TRIOBP: variants seen among roughly 807,000 people sequenced by gnomAD.
TRIOBP encodes the protein TRIO and F-actin-binding protein.
A neutral mutation model predicts 238.8 loss-of-function variants in TRIOBP; 169 were observed. The observed-to-expected ratio is 0.71, with a 90% confidence interval of 0.62 to 0.80. The LOEUF (loss-of-function observed/expected upper bound fraction) is 0.80. Among genes scored for constraint, TRIOBP ranks in the 30% least tolerant of loss-of-function variants. The pLI is 0.00. For synonymous variants in TRIOBP, 1,150 were observed against 1,274.4 expected (o/e 0.90, Z 2.08); for missense variants, 2,838 against 3,122.6 (o/e 0.91, Z 2.17).
At position 37,699,238 on chromosome 22, in the gene TRIOBP, T is replaced by C. The variant is rs552218728; in HGVS notation, c.-61+1542T>C. ...AAACTTGCTGTGTGACTTTAGGCTG[T>C]TCACGTTTGTCAAAGACGTCGTCCT... On this transcript the variant is annotated intron_variant, in intron 2 of 23. Transcript: ENST00000644935. Among the ~76,000 whole-genome samples the C allele has an allele frequency of 2.3e-3, 350 of 152,298 alleles. 1 individual carries two copies. The highest frequency in any genetic ancestry group is 7.6e-3 in the African/African-American group (318 of 41,572).
At chr22:37,753,263 T>C (rs1925719025) in intron 12 of TRIOBP, among the ~76,000 whole-genome samples, 1 of 152,070 alleles carries the variant, frequency 6.6e-6, no homozygotes, top group African/African-American at 2.4e-5. Context: ...ACTTCTTTTT[T>C]TGTTTTTTAT....
chr22:37,720,913 A>AG (rs1923789601), intron 6 of TRIOBP, among the ~76,000 whole-genome samples: 1 of 152,020 alleles, frequency 6.6e-6, no homozygotes, highest in African/African-American at 2.4e-5. Context: ...GCTGGAGTGC[A>AG]GTGGCCAGAT....
At chr22:37,760,547 A>G (rs371761304) in intron 17 of TRIOBP, among the ~76,000 whole-genome samples, 9 of 152,352 alleles carry the variant, frequency 5.9e-5, no homozygotes, top group Admixed American at 3.9e-4. Flanking sequence ...TTGAGTATCT[A>G]TTGCCTTGTC....
chr22:37,746,588 G>A (rs1456525508), intron 11 of TRIOBP, among the ~76,000 whole-genome samples: 1 of 152,202 alleles, frequency 6.6e-6, no homozygotes, highest in East Asian at 1.9e-4. Context: ...GGCCAGACCG[G>A]CCTCACCCTT....
chr22:37,716,684 T>G (rs1386837700), intron 6 of TRIOBP, among the ~76,000 whole-genome samples: 1 of 152,236 alleles, frequency 6.6e-6, no homozygotes, highest in Non-Finnish European at 1.5e-5. Flanking sequence ...AGTGAGCCAC[T>G]ATGCCTGGCC....
chr22:37,731,720 G>A (rs1227445075), intron 7 of TRIOBP, among the ~76,000 whole-genome samples: 1 of 152,136 alleles, frequency 6.6e-6, no homozygotes, highest in Non-Finnish European at 1.5e-5. Flanking sequence ...GCCTCCCAAA[G>A]TGCTGTGATT....
In TRIOBP at chr22:37,773,985, T is replaced by TACCCAC. The variant is rs1926919158; in HGVS notation, c.*207_*208insCCACAC. 6.7e-6 allele frequency: 1 copy of TACCCAC among 149,212 alleles called. No homozygotes were observed. The allele number at this position is 149,212 out of a possible 1,614,324, so 9.2% of individuals were successfully genotyped here. ...ACACGTGCACACATGTACACACGGA[T>TACCCAC]ACACACACACACACACACACTGCAT... On this transcript the variant is annotated 3_prime_UTR_variant, in exon 24 of 24. Coordinates refer to ENST00000644935, the MANE Select transcript of TRIOBP (RefSeq NM_001039141.3).
chr22:37,753,278 GT>G (rs113572966), intron 12 of TRIOBP, among the ~76,000 whole-genome samples: 143 of 147,290 alleles, frequency 9.7e-4, no homozygotes, highest in Middle Eastern at 3.5e-3. Context: ...TTTTATTTTT[GT>G]TTTTTTTTTT....
intron 18 of TRIOBP, 143 bp downstream of exon 18, chr22:37,765,960 G>A: frequency 8.5e-7 from 1 of 1,173,854 alleles, no homozygotes; most frequent in African/African-American, 1.5e-5. Flanking sequence ...GCAGGTGTTA[G>A]AAGCTCCAAG....
intron 15 of TRIOBP, among the ~76,000 whole-genome samples, chr22:37,757,135 G>C (rs994821716): frequency 8.5e-5 from 13 of 152,190 alleles, no homozygotes; most frequent in African/African-American, 3.1e-4. Context: ...GCTGAGGTGG[G>C]AGGAGCACGT....
At chr22:37,765,987 T>G (rs900333834) in intron 18 of TRIOBP, among the ~76,000 whole-genome samples, 170 bp downstream of exon 18, 1 of 152,126 alleles carries the variant, frequency 6.6e-6, no homozygotes, top group African/African-American at 2.4e-5. Context: ...CCTGTAGCCC[T>G]ACTTAAAAAG....
chr22:37,731,050 C>CAATAACTG (rs1924398276), intron 7 of TRIOBP, among the ~76,000 whole-genome samples: 1 of 152,058 alleles, frequency 6.6e-6, no homozygotes, highest in African/African-American at 2.4e-5. Flanking sequence ...AACCAGCTGC[C>CAATAACTG]AATAACTGCT....
chr22:37,752,523 CCCCTG>C (rs1925672447), intron 12 of TRIOBP, among the ~76,000 whole-genome samples: 1 of 152,242 alleles, frequency 6.6e-6, no homozygotes, highest in Non-Finnish European at 1.5e-5. Context: ...CGTCTCCCCA[CCCCTG>C]CCCTGCATGC....
intron 15 of TRIOBP, among the ~76,000 whole-genome samples, chr22:37,756,551 T>A (rs1925930793): frequency 2.0e-5 from 3 of 152,348 alleles, no homozygotes; most frequent in South Asian, 4.1e-4. Flanking sequence ...TTATTTAGCA[T>A]CTAGGCCCAG....
intron 11 of TRIOBP, chr22:37,751,488 G>A (rs1019059976): frequency 6.9e-5 from 35 of 507,108 alleles, no homozygotes; most frequent in South Asian, 4.9e-4. Flanking sequence ...GCGAGGGGTC[G>A]GCTGGAGAGA....
chr22:37,755,579 C>T lies in TRIOBP; in HGVS notation c.5607C>T (p.Ala1869=), dbSNP rs1180026057. Residue 1869 remains alanine, a synonymous_variant, in exon 15 of 24, where the codon GCC becomes GCT. Coordinates refer to ENST00000644935, the MANE Select transcript of TRIOBP (RefSeq NM_001039141.3). ...AGGATGCTGTCTATACCTTGTCGGCCATGACCTCAGGCATCCGGCGGAACT... is the reference window on the plus strand; with the variant it reads ...AGGATGCTGTCTATACCTTGTCGGCTATGACCTCAGGCATCCGGCGGAACT... ...HTKDAVYTLS[A]MTSGIRRNWI... is the part of the protein sequence containing the mutation. The T allele has an allele frequency of 6.2e-7, 1 of 1,614,054 alleles. No homozygotes were observed. The highest frequency in any genetic ancestry group is 8.5e-7 in the Non-Finnish European group (1 of 1,180,034).
intron 5 of TRIOBP, among the ~76,000 whole-genome samples, chr22:37,713,940 G>T (rs1923386877): frequency 1.3e-5 from 2 of 152,190 alleles, no homozygotes; most frequent in South Asian, 4.1e-4. Flanking sequence ...AGACAGGCTT[G>T]TCCCAGGAGA....
At chr22:37,717,682 C>G (rs1281086867) in intron 6 of TRIOBP, among the ~76,000 whole-genome samples, 2 of 152,218 alleles carry the variant, frequency 1.3e-5, no homozygotes, top group Non-Finnish European at 2.9e-5. Context: ...AAACCTTGAG[C>G]TAGAGACAGA....
chr22:37,726,516 G>T lies in TRIOBP; in HGVS notation c.3947+13G>T. ...GGCAAGAGCGCAGGTGAGCCCGGGG[G>T]TGGGGTCAGCCAGGTGGGCTGGGGA... On this transcript the variant is annotated intron_variant, in intron 7 of 23. Transcript: ENST00000644935. The T allele has an allele frequency of 6.8e-7, 1 of 1,472,702 alleles. No homozygotes were observed. The highest frequency in any genetic ancestry group is 8.9e-7 in the Non-Finnish European group (1 of 1,117,986). The allele number at this position is 1,472,702 out of a possible 1,614,324, so 91.2% of individuals were successfully genotyped here. A position where few individuals can be genotyped will look rare whatever the true frequency, so the allele number is the denominator to read the frequency against.
Sources: gnomAD v4.1 joint callset for allele counts (sites outside exome capture counted in the v4.1 genomes callset) on GRCh38, gnomAD v4.1.1 for gene constraint, MANE v1.5 for transcripts, NCBI Gene and HGNC (gene_info 2026-07-23, HGNC 2026-07-21) for gene names.